GFRA1: variants seen among roughly 807,000 people sequenced by gnomAD.
GFRA1 encodes the protein GDNF family receptor alpha-1.
GFRA1 carries 16 observed loss-of-function variants against 51.6 expected under a neutral mutation model. That is an observed-to-expected ratio of 0.31 (90% confidence interval 0.21 to 0.47). The LOEUF (loss-of-function observed/expected upper bound fraction) is 0.47. Ranked by LOEUF, GFRA1 falls within the 20% of genes least tolerant of loss-of-function variation. The pLI is 1.00. For synonymous variants in GFRA1, 270 were observed against 241.3 expected (o/e 1.12, Z -1.10); for missense variants, 530 against 594.3 (o/e 0.89, Z 1.13).
intron 4 of GFRA1, 116 bp downstream of exon 4, chr10:116,269,387 C>T: frequency 1.4e-6 from 1 of 736,900 alleles, no homozygotes; most frequent in African/African-American, 1.7e-5. Context: ...TCTAATTTCC[C>T]AGAAACACTG....
At position 116,218,400 on chromosome 10, in the gene GFRA1, G is replaced by A. The variant is rs545696712; in HGVS notation, c.419-6755C>T. On this transcript the variant is annotated intron_variant, in intron 4 of 10. Transcript: ENST00000355422. Reference sequence around the variant, plus strand: ...AGAGAGCTGTTCTGTTCTCTATAGCGGGGTTCTATGGAGAATCTGCCTGAG... The same window carrying A: ...AGAGAGCTGTTCTGTTCTCTATAGCAGGGTTCTATGGAGAATCTGCCTGAG... 9.9e-5 allele frequency among the ~76,000 whole-genome samples: 15 copies of A among 152,230 alleles called. No individual in the cohort carries two copies. In the South Asian group the frequency reaches 2.7e-3, roughly 27 times the overall value.
chr10:116,132,529 G>C (rs1215146545), intron 5 of GFRA1, among the ~76,000 whole-genome samples: 1 of 151,986 alleles, frequency 6.6e-6, no homozygotes, highest in Admixed American at 6.6e-5. Flanking sequence ...TTTCACATGG[G>C]CAATTGCGCA....
At chr10:116,119,306 G>A (rs1378867310) in intron 6 of GFRA1, among the ~76,000 whole-genome samples, 1 of 152,152 alleles carries the variant, frequency 6.6e-6, no homozygotes, top group African/African-American at 2.4e-5. Flanking sequence ...GCGGCCCCCA[G>A]AGCAGACAGG....
intron 5 of GFRA1, among the ~76,000 whole-genome samples, chr10:116,204,513 A>C (rs1964578721): frequency 6.6e-6 from 1 of 152,182 alleles, no homozygotes; most frequent in African/African-American, 2.4e-5. Flanking sequence ...GTGATTGTAC[A>C]ATCCTATTGA....
chr10:116,166,632 T>C (rs1291548619), intron 5 of GFRA1, among the ~76,000 whole-genome samples: 3 of 152,092 alleles, frequency 2.0e-5, no homozygotes, highest in African/African-American at 7.2e-5. Context: ...CACCGCCAAG[T>C]GTCTTCTACC....
At position 116,057,505 on chromosome 10, in the gene GFRA1, A is replaced by C. The variant is rs1230215138; in HGVS notation, c.*6893T>G. The C allele has an allele frequency of 2.6e-5, 4 of 152,204 alleles. No individual in the cohort carries two copies. In the East Asian group the frequency reaches 7.7e-4, roughly 29 times the overall value. The allele number at this position is 152,204 out of a possible 1,614,324, so 9.4% of individuals were successfully genotyped here. On this transcript the variant is annotated 3_prime_UTR_variant, in exon 11 of 11. Coordinates refer to ENST00000355422, the MANE Select transcript of GFRA1 (RefSeq NM_005264.8). ...TGAAAAATGCAACACCATCCAAAAGAGTACAAGAAAAAAACCCCACAGCCT... is the reference window on the plus strand; with the variant it reads ...TGAAAAATGCAACACCATCCAAAAGCGTACAAGAAAAAAACCCCACAGCCT...
chr10:116,274,612 G>C (rs1190290632), upstream of GFRA1, among the ~76,000 whole-genome samples: 1 of 152,112 alleles, frequency 6.6e-6, no homozygotes, highest in Non-Finnish European at 1.5e-5. Flanking sequence ...TCGCCAAAGA[G>C]GGTCTGCGCC....
chr10:116,198,384 T>C (rs574968474), intron 5 of GFRA1, among the ~76,000 whole-genome samples: 1 of 152,286 alleles, frequency 6.6e-6, no homozygotes, highest in African/African-American at 2.4e-5. Context: ...CCTTAATCCA[T>C]CTCAAATAAA....
chr10:116,233,306 C>T (rs561059279), intron 4 of GFRA1, among the ~76,000 whole-genome samples: 20 of 150,688 alleles, frequency 1.3e-4, no homozygotes, highest in African/African-American at 3.2e-4. Flanking sequence ...CCAGCCTGGG[C>T]GACAGAGTGA....
chr10:116,237,816 G>A (rs1418801809), intron 4 of GFRA1, among the ~76,000 whole-genome samples: 2 of 152,098 alleles, frequency 1.3e-5, no homozygotes, highest in African/African-American at 4.8e-5. Context: ...TGCAAGCTTT[G>A]CCTTTGCTGG....
intron 9 of GFRA1, among the ~76,000 whole-genome samples, chr10:116,070,106 A>C (rs891918189): frequency 6.6e-6 from 1 of 152,186 alleles, no homozygotes; most frequent in South Asian, 2.1e-4. Flanking sequence ...TGCCCAATCC[A>C]ATAGCAACAG....
chr10:116,142,942 A>G (rs1958633769), intron 5 of GFRA1, among the ~76,000 whole-genome samples: 1 of 152,184 alleles, frequency 6.6e-6, no homozygotes, highest in Non-Finnish European at 1.5e-5. Flanking sequence ...GCTATTCACG[A>G]CTTCCTGCCC....
chr10:116,137,161 T>A (rs1010863065), intron 5 of GFRA1, among the ~76,000 whole-genome samples: 1 of 152,162 alleles, frequency 6.6e-6, no homozygotes, highest in Admixed American at 6.5e-5. Context: ...CAGGTCCGAA[T>A]GTCACTTCTA....
chr10:116,158,514 A>T (rs1039051762), intron 5 of GFRA1, among the ~76,000 whole-genome samples: 16 of 152,148 alleles, frequency 1.1e-4, no homozygotes, highest in Admixed American at 1.0e-3. Context: ...CTAGAATTAA[A>T]CTTCAAGCCT....
chr10:116,232,441 TA>T (rs141761789), intron 4 of GFRA1, among the ~76,000 whole-genome samples: 1 of 151,878 alleles, frequency 6.6e-6, no homozygotes, highest in African/African-American at 2.4e-5. Flanking sequence ...TTTTTATACC[TA>T]AAAAAAGTTC....
chr10:116,137,064 G>A (rs920721790), intron 5 of GFRA1, among the ~76,000 whole-genome samples: 45 of 152,088 alleles, frequency 3.0e-4, no homozygotes, highest in African/African-American at 9.9e-4. Flanking sequence ...TGTGTTCTTC[G>A]TAGGCTCATT....
chr10:116,273,834 T>C (rs1202241828), upstream of GFRA1, among the ~76,000 whole-genome samples: 1 of 152,072 alleles, frequency 6.6e-6, no homozygotes, highest in Non-Finnish European at 1.5e-5. Context: ...ACTTGGTGCT[T>C]TCAAGACACA....
intron 4 of GFRA1, among the ~76,000 whole-genome samples, chr10:116,213,667 C>T (rs1965362661): frequency 6.6e-6 from 1 of 152,112 alleles, no homozygotes; most frequent in South Asian, 2.1e-4. Context: ...CCTACAAAAC[C>T]ACAAAGAACC....
chr10:116,196,574 TATAATATATA>T (rs1963794657), intron 5 of GFRA1, among the ~76,000 whole-genome samples: 1 of 56,672 alleles, frequency 1.8e-5, no homozygotes, highest in African/African-American at 5.5e-5. Context: ...ATATAATATA[TATAATATATA>T]GTACTATATA....
Sources: allele counts gnomAD v4.1 joint callset (sites outside exome capture counted in the v4.1 genomes callset), GRCh38; gene constraint gnomAD v4.1.1; transcripts MANE v1.5; gene names NCBI Gene and HGNC (gene_info 2026-07-23, HGNC 2026-07-21).